RGS17: variants seen among roughly 807,000 people sequenced by gnomAD.
RGS17 encodes regulator of G protein signaling 17, also known as regulator of G-protein signaling 17.
RGS17 carries 12 observed loss-of-function variants against 25.5 expected under a neutral mutation model. The observed-to-expected ratio is 0.47, with a 90% CI of 0.30 to 0.76. The LOEUF is 0.76. Ranked by LOEUF, RGS17 falls within the 30% of genes least tolerant of loss-of-function variation. The probability of loss-of-function intolerance (pLI) is 0.07; values close to 1 mark genes in which losing one functional copy is unlikely to be tolerated. For missense variants in RGS17, 196 were observed against 242.2 expected, an observed-to-expected ratio of 0.81 and a Z score of 1.27; for synonymous variants, 71 against 76.9, an observed-to-expected ratio of 0.92 and a Z score of 0.40.
At chr6:153,122,665 C>T (rs1777649448) in intron 1 of RGS17, among the ~76,000 whole-genome samples, 1 of 151,916 alleles carries the variant, frequency 6.6e-6, no homozygotes, top group Non-Finnish European at 1.5e-5. Flanking sequence ...GCAGATAGAA[C>T]ATTTGAGCTC....
intron 4 of RGS17, among the ~76,000 whole-genome samples, chr6:153,012,372 G>A (rs1036958181): frequency 1.8e-4 from 27 of 152,194 alleles, no homozygotes; most frequent in Non-Finnish European, 7.3e-5. Context: ...TACTAACGAT[G>A]AAGCAGATCA....
intron 4 of RGS17, among the ~76,000 whole-genome samples, chr6:153,020,012 A>G (rs1779223078): frequency 6.9e-6 from 1 of 144,706 alleles, no homozygotes; most frequent in Non-Finnish European, 1.5e-5. Flanking sequence ...GTAAATTTCT[A>G]GTTTTTTTTT....
intron 2 of RGS17, among the ~76,000 whole-genome samples, chr6:153,033,451 C>T (rs1776184827): frequency 6.6e-6 from 1 of 152,174 alleles, no homozygotes; most frequent in African/African-American, 2.4e-5. Flanking sequence ...AGCATGGTGG[C>T]TCATGCTTGT....
chr6:153,087,275 AAAAC>A (rs746006873), intron 1 of RGS17, among the ~76,000 whole-genome samples: 23 of 152,158 alleles, frequency 1.5e-4, no homozygotes, highest in Non-Finnish European at 2.2e-4. Flanking sequence ...GACTCCGTCT[AAAAC>A]AAACAAACAA....
At position 153,006,822 on chromosome 6, in the gene RGS17, G is replaced by A. The variant is rs912809900; in HGVS notation, c.*4752C>T. On this transcript the variant is annotated 3_prime_UTR_variant, in exon 5 of 5. Transcript: ENST00000206262. ...CAGATGAGGAAATGAACTCAGAGAA[G>A]ATAAATGATTTGCCCAAAGTCACAT... 23 of 152,120 alleles carry A rather than the reference G, an allele frequency of 1.5e-4. No homozygotes were observed. The highest frequency in any genetic ancestry group is 5.6e-4 in the African/African-American group (23 of 41,426). The allele number at this position is 152,120 out of a possible 1,614,324, so 9.4% of individuals were successfully genotyped here. A position where few individuals can be genotyped will look rare whatever the true frequency, so the allele number is the denominator to read the frequency against.
At chr6:153,125,762 T>C (rs773018542) in intron 1 of RGS17, among the ~76,000 whole-genome samples, 1 of 152,152 alleles carries the variant, frequency 6.6e-6, no homozygotes, top group Non-Finnish European at 1.5e-5. Context: ...CAAGATCACC[T>C]GAGCCCAGGG....
intron 1 of RGS17, among the ~76,000 whole-genome samples, chr6:153,055,644 C>T (rs1178880258): frequency 6.6e-6 from 1 of 152,070 alleles, no homozygotes; most frequent in Non-Finnish European, 1.5e-5. Context: ...CTAGTCCTTA[C>T]GGTGAGGTGC....
intron 1 of RGS17, among the ~76,000 whole-genome samples, chr6:153,088,425 T>A (rs1010037352): frequency 9.9e-5 from 15 of 152,224 alleles, no homozygotes; most frequent in African/African-American, 3.6e-4. Flanking sequence ...AGATTTCATA[T>A]GCATTGAACT....
At chr6:153,064,299 C>T (rs2129115666) in intron 1 of RGS17, among the ~76,000 whole-genome samples, 1 of 152,144 alleles carries the variant, frequency 6.6e-6, no homozygotes, top group African/African-American at 2.4e-5. Flanking sequence ...AAGACATAGA[C>T]AGTACAATAA....
chr6:153,016,456 T>A (rs971376858), intron 4 of RGS17, among the ~76,000 whole-genome samples: 3 of 151,822 alleles, frequency 2.0e-5, no homozygotes, highest in Non-Finnish European at 2.9e-5. Context: ...AAAGGGGGGG[T>A]CATTTACTTC....
At chr6:153,062,064 G>A (rs1308645752) in intron 1 of RGS17, among the ~76,000 whole-genome samples, 2 of 152,164 alleles carry the variant, frequency 1.3e-5, no homozygotes, top group Admixed American at 6.5e-5. Flanking sequence ...CATTGAGAAG[G>A]TGGAGCAAGA....
At chr6:153,110,066 A>G (rs1236269496) in intron 1 of RGS17, among the ~76,000 whole-genome samples, 1 of 152,240 alleles carries the variant, frequency 6.6e-6, no homozygotes, top group Non-Finnish European at 1.5e-5. Context: ...TCTAGGAAAT[A>G]CCATGGTATT....
chr6:153,106,940 A>G (rs1030938575), intron 1 of RGS17, among the ~76,000 whole-genome samples: 9 of 151,908 alleles, frequency 5.9e-5, no homozygotes, highest in African/African-American at 1.9e-4. Flanking sequence ...GGCTGTATGT[A>G]TAATTCTCTG....
At chr6:153,066,957 G>T (rs548224782) in intron 1 of RGS17, among the ~76,000 whole-genome samples, 4 of 151,932 alleles carry the variant, frequency 2.6e-5, no homozygotes, top group Non-Finnish European at 4.4e-5. Context: ...GGAGAATGGC[G>T]TGTACCTGGG....
intron 1 of RGS17, among the ~76,000 whole-genome samples, chr6:153,052,489 G>A (rs955580230): frequency 2.0e-5 from 3 of 151,800 alleles, no homozygotes; most frequent in African/African-American, 7.3e-5. Context: ...AGTAATTGTG[G>A]TTTTTTGCCA....
intron 2 of RGS17, among the ~76,000 whole-genome samples, chr6:153,039,728 G>T: frequency 6.6e-6 from 1 of 152,200 alleles, no homozygotes; most frequent in Admixed American, 6.5e-5. Context: ...AACTTTGAAA[G>T]CTCTGCCTTT....
chr6:153,016,283 A>G (rs1415494683), intron 4 of RGS17, among the ~76,000 whole-genome samples: 2 of 152,250 alleles, frequency 1.3e-5, no homozygotes, highest in Non-Finnish European at 2.9e-5. Flanking sequence ...CCAGAGGGAA[A>G]TGCTGACACT....
At chr6:153,016,468 T>C (rs1779184937) in intron 4 of RGS17, among the ~76,000 whole-genome samples, 1 of 152,166 alleles carries the variant, frequency 6.6e-6, no homozygotes, top group Admixed American at 6.5e-5. Context: ...ATTTACTTCT[T>C]AAAAAGTAGT....
At chr6:153,023,890 C>CAA (rs1160062392) in intron 4 of RGS17, among the ~76,000 whole-genome samples, 1 of 152,152 alleles carries the variant, frequency 6.6e-6, no homozygotes, top group Admixed American at 6.6e-5. Context: ...GTTTTTTAAA[C>CAA]AAATGCTCCA....
Sources: allele counts gnomAD v4.1 joint callset (sites outside exome capture counted in the v4.1 genomes callset), GRCh38; gene constraint gnomAD v4.1.1; transcripts MANE v1.5; gene names NCBI Gene and HGNC (gene_info 2026-07-23, HGNC 2026-07-21).